CADM1: variants seen among roughly 807,000 people sequenced by gnomAD.
The protein encoded by CADM1 is cell adhesion molecule 1, also known as TSLC-1.
Under a neutral mutation model 53.1 loss-of-function variants are expected in CADM1, and 15 were observed. The ratio of observed to expected loss-of-function variants is 0.28; its 90% CI spans 0.19 to 0.44. The LOEUF (loss-of-function observed/expected upper bound fraction) is 0.44, where lower values mean the gene tolerates loss of function less well. Among genes scored for constraint, CADM1 ranks in the 20% least tolerant of loss-of-function variants. CADM1 has a pLI of 1.00. For missense variants in CADM1, 434 were observed against 611.3 expected (o/e 0.71, Z 3.06); for synonymous variants, 281 against 243.0 (o/e 1.16, Z -1.45).
At chr11:115,290,143 A>G (rs1465513936) in intron 1 of CADM1, among the ~76,000 whole-genome samples, 1 of 152,208 alleles carries the variant, frequency 6.6e-6, no homozygotes, top group East Asian at 1.9e-4. Flanking sequence ...GATGGAGGGA[A>G]GGGCAGAAAG....
chr11:115,189,811 C>T (rs1204992189), intron 10 of CADM1, among the ~76,000 whole-genome samples: 1 of 152,172 alleles, frequency 6.6e-6, no homozygotes, highest in Non-Finnish European at 1.5e-5. Flanking sequence ...CTGGAGCTTC[C>T]AGTCTGTAGA....
intron 1 of CADM1, among the ~76,000 whole-genome samples, chr11:115,473,095 A>G (rs1949050794): frequency 6.6e-6 from 1 of 152,242 alleles, no homozygotes. Context: ...ATCATTTGCT[A>G]GCTGAATCAT....
chr11:115,213,127 G>C (rs1941031454), intron 7 of CADM1, among the ~76,000 whole-genome samples: 1 of 152,192 alleles, frequency 6.6e-6, no homozygotes, highest in Non-Finnish European at 1.5e-5. Context: ...TGGACTGAAA[G>C]CCAGTAAACC....
chr11:115,353,728 G>A lies in CADM1; in HGVS notation c.125-113308C>T, dbSNP rs76047183. ...GAGCTCTGACCTGGAGGTTCAGGGA[G>A]TGGTATTCAGATTCTCATTCTGCTC... On this transcript the variant is annotated intron_variant, in intron 1 of 11. Coordinates refer to ENST00000331581, the MANE Select transcript of CADM1 (RefSeq NM_001301043.2). Among the ~76,000 whole-genome samples, 13 of 152,258 alleles carry A rather than the reference G, an allele frequency of 8.5e-5. No individual in the cohort carries two copies. In the East Asian group the frequency reaches 2.5e-3, roughly 29 times the overall value.
At chr11:115,437,324 G>C (rs1158147292) in intron 1 of CADM1, among the ~76,000 whole-genome samples, 2 of 152,102 alleles carry the variant, frequency 1.3e-5, no homozygotes, top group Non-Finnish European at 2.9e-5. Flanking sequence ...GTTTTAAGGA[G>C]AAAACGGGGA....
intron 1 of CADM1, among the ~76,000 whole-genome samples, chr11:115,441,870 AAAAC>A (rs963966787): frequency 2.6e-5 from 4 of 152,242 alleles, no homozygotes; most frequent in South Asian, 2.1e-4. Flanking sequence ...CAAACAAGCA[AAAAC>A]AAACAAAAAA....
chr11:115,192,354 C>T (rs1290845258), intron 9 of CADM1, among the ~76,000 whole-genome samples: 1 of 152,100 alleles, frequency 6.6e-6, no homozygotes. Flanking sequence ...ACAGGTATTC[C>T]CAAACTATAG....
At chr11:115,384,037 C>T (rs1946640727) in intron 1 of CADM1, among the ~76,000 whole-genome samples, 2 of 152,146 alleles carry the variant, frequency 1.3e-5, no homozygotes, top group South Asian at 4.1e-4. Context: ...GGCAGACCAA[C>T]GTGATGAGCA....
intron 10 of CADM1, among the ~76,000 whole-genome samples, chr11:115,186,392 T>C (rs924402201): frequency 5.9e-5 from 9 of 152,182 alleles, no homozygotes; most frequent in African/African-American, 1.7e-4. Context: ...CATTGCTCTA[T>C]GCCTGATGGG....
intron 1 of CADM1, among the ~76,000 whole-genome samples, chr11:115,306,865 C>T (rs1456685767): frequency 3.3e-5 from 5 of 152,076 alleles, no homozygotes; most frequent in East Asian, 1.9e-4. Context: ...TTGGTTAATG[C>T]ACTTTCTATT....
Position 115,238,482 on chromosome 11 carries a change from C to T in CADM1, c.424+18G>A, listed in dbSNP as rs1271327558. On this transcript the variant is annotated intron_variant, in intron 3 of 11. Coordinates refer to ENST00000331581, the MANE Select transcript of CADM1 (RefSeq NM_001301043.2). ...CTCTATTCCATTTCCCCGGGTAAGC[C>T]CCACATGCGTTTCTTACCCAGGACT... The T allele has an allele frequency of 1.2e-6, 2 of 1,613,284 alleles. No individual in the cohort carries two copies. Among genetic ancestry groups the T allele is most frequent in the Non-Finnish European group, 1.7e-6 (2 of 1,179,338 alleles).
chr11:115,381,356 A>G (rs527589520), intron 1 of CADM1, among the ~76,000 whole-genome samples: 5 of 152,276 alleles, frequency 3.3e-5, no homozygotes, highest in African/African-American at 1.2e-4. Flanking sequence ...GCAATTCCAG[A>G]ACAAGATGAC....
At chr11:115,443,307 C>T in intron 1 of CADM1, among the ~76,000 whole-genome samples, 1 of 152,192 alleles carries the variant, frequency 6.6e-6, no homozygotes, top group East Asian at 1.9e-4. Context: ...CTCACCACCA[C>T]TCTCTGTGTT....
chr11:115,240,636 C>T (rs1167264500), intron 1 of CADM1, among the ~76,000 whole-genome samples: 1 of 152,176 alleles, frequency 6.6e-6, no homozygotes, highest in Non-Finnish European at 1.5e-5. Flanking sequence ...AATCATCATA[C>T]TCTCAAAAGC....
At chr11:115,469,513 G>A (rs1357376525) in intron 1 of CADM1, among the ~76,000 whole-genome samples, 2 of 152,180 alleles carry the variant, frequency 1.3e-5, no homozygotes, top group Admixed American at 1.3e-4. Flanking sequence ...AGCTGTGGGA[G>A]GCAGTGCTTT....
chr11:115,351,060 C>A (rs1428393648), intron 1 of CADM1, among the ~76,000 whole-genome samples: 1 of 151,822 alleles, frequency 6.6e-6, no homozygotes, highest in Non-Finnish European at 1.5e-5. Context: ...CATACAGTGC[C>A]TGTTAAAATA....
At chr11:115,315,885 T>C (rs1035146593) in intron 1 of CADM1, among the ~76,000 whole-genome samples, 1 of 152,168 alleles carries the variant, frequency 6.6e-6, no homozygotes, top group Non-Finnish European at 1.5e-5. Context: ...ATACTTTTGC[T>C]AAAAAGGGAA....
At chr11:115,266,693 T>C (rs1366084767) in intron 1 of CADM1, among the ~76,000 whole-genome samples, 1 of 152,232 alleles carries the variant, frequency 6.6e-6, no homozygotes, top group Non-Finnish European at 1.5e-5. Flanking sequence ...TATCTGTCAT[T>C]CCGTGCAGCT....
intron 1 of CADM1, among the ~76,000 whole-genome samples, chr11:115,366,151 T>A (rs890122771): frequency 6.6e-6 from 1 of 152,230 alleles, no homozygotes; most frequent in Non-Finnish European, 1.5e-5. Context: ...GCATTTTCTA[T>A]ACTCTGCTCT....
Sources: gnomAD v4.1 joint callset for allele counts (sites outside exome capture counted in the v4.1 genomes callset) on GRCh38, gnomAD v4.1.1 for gene constraint, MANE v1.5 for transcripts, NCBI Gene and HGNC (gene_info 2026-07-23, HGNC 2026-07-21) for gene names.